The following HEATR4 variants were observed in gnomAD, a reference collection of about 807,000 sequenced individuals.
The protein encoded by HEATR4 is HEAT repeat-containing protein 4.
HEATR4 carries 95 observed loss-of-function variants against 108.8 expected under a neutral mutation model. The ratio of observed to expected loss-of-function variants is 0.87; its 90% CI spans 0.74 to 1.04. The LOEUF (loss-of-function observed/expected upper bound fraction) is 1.04, where lower values mean the gene tolerates loss of function less well. Among genes scored for constraint, HEATR4 ranks in the 50% least tolerant of loss-of-function variants. The pLI, the probability that HEATR4 is intolerant of heterozygous loss-of-function variation, is 0.00. For synonymous variants in HEATR4, 443 were observed against 459.4 expected (o/e 0.96, Z 0.46); for missense variants, 1,152 against 1,253.8 (o/e 0.92, Z 1.23).
At chr14:73,600,079 C>T in the HEATR4 span, among the ~76,000 whole-genome samples, 1 of 152,084 alleles carries the variant, frequency 6.6e-6, no homozygotes, top group Non-Finnish European at 1.5e-5. Flanking sequence ...AGTTAGCTAT[C>T]CTCACAGATG....
chr14:73,616,920 G>T, the HEATR4 span: 1 of 572,480 alleles, frequency 1.7e-6, no homozygotes, highest in Non-Finnish European at 3.1e-6. Context: ...AATCTCCTTG[G>T]CTTCAAAAAC....
the HEATR4 span, among the ~76,000 whole-genome samples, chr14:73,597,732 T>C: frequency 6.6e-6 from 1 of 151,622 alleles, no homozygotes; most frequent in Non-Finnish European, 1.5e-5. Context: ...TAGCTGGGAC[T>C]ACAGGTACCT....
chr14:73,587,132 T>TA, the HEATR4 span, among the ~76,000 whole-genome samples: 351 of 84,398 alleles, frequency 4.2e-3, 2 homozygotes, highest in African/African-American at 0.017. Context: ...CTGCCTGGTG[T>TA]AAAAAAAAAC....
chr14:73,499,191 C>A, intron 12 of HEATR4, 51 bp from the exon 13 acceptor site: 1 of 1,517,132 alleles, frequency 6.6e-7, no homozygotes, highest in Non-Finnish European at 9.2e-7. Context: ...CAAGAATGAA[C>A]CAGAAACAGC....
intron 16 of HEATR4, among the ~76,000 whole-genome samples, chr14:73,493,948 A>G (rs937544173): frequency 1.3e-5 from 2 of 152,138 alleles, no homozygotes; most frequent in African/African-American, 4.8e-5. Flanking sequence ...TAGAAAAATT[A>G]TTTTCTACCA....
At chr14:73,592,040 C>T in the HEATR4 span, 2 of 1,461,512 alleles carry the variant, frequency 1.4e-6, no homozygotes, top group Non-Finnish European at 1.8e-6. Context: ...GCGGCCTGGC[C>T]CCGGAGCAGC....
the HEATR4 span, among the ~76,000 whole-genome samples, chr14:73,579,265 T>TAAAAAA: frequency 1.4e-5 from 1 of 70,836 alleles, no homozygotes; most frequent in Non-Finnish European, 2.6e-5. Context: ...TCAAAAAAAT[T>TAAAAAA]AAAAAAAAAA....
At chr14:73,552,262 G>A (rs1182066629) in intron 1 of HEATR4, among the ~76,000 whole-genome samples, 1 of 98,484 alleles carries the variant, frequency 1.0e-5, no homozygotes, top group Non-Finnish European at 2.1e-5. Flanking sequence ...CCTTCCACTG[G>A]TAACAACCCC....
In HEATR4 at chr14:73,500,308, A is replaced by G. The variant is rs1225393713; in HGVS notation, c.2286+242T>C. On this transcript the variant is annotated intron_variant, in intron 12 of 17. Coordinates refer to ENST00000553558, the MANE Select transcript of HEATR4 (RefSeq NM_001220484.1). ...TTTTTTTTTTTTTAGCTCATCAACTATCGTTAGTGTTAGTGTACTTTATAT... is the reference window on the plus strand; with the variant it reads ...TTTTTTTTTTTTTAGCTCATCAACTGTCGTTAGTGTTAGTGTACTTTATAT... Among the ~76,000 whole-genome samples, 5 of 148,494 alleles carry G rather than the reference A, an allele frequency of 3.4e-5. No individual in the cohort carries two copies. In the East Asian group the frequency reaches 7.8e-4, roughly 23 times the overall value.
At chr14:73,528,392 C>CAAAAAAAAAAA (rs371875141) in intron 2 of HEATR4, among the ~76,000 whole-genome samples, 3 of 88,514 alleles carry the variant, frequency 3.4e-5, no homozygotes, top group South Asian at 5.1e-4. Flanking sequence ...AACTTCATCT[C>CAAAAAAAAAAA]AAAAAAAAAA....
chr14:73,518,339 G>T (rs1288285589), intron 5 of HEATR4, among the ~76,000 whole-genome samples: 22 of 151,450 alleles, frequency 1.5e-4, no homozygotes, highest in Admixed American at 1.4e-3. Flanking sequence ...GGAAGATGGA[G>T]GTTGCAGTGA....
At chr14:73,573,261 T>C in the HEATR4 span, 2 of 1,386,864 alleles carry the variant, frequency 1.4e-6, no homozygotes. Context: ...AGGTTTTCAT[T>C]TCTCGTGGGT....
At chr14:73,529,225 C>T (rs2140304306) in intron 2 of HEATR4, 1 of 152,122 alleles carries the variant, frequency 6.6e-6, no homozygotes, top group Non-Finnish European at 1.5e-5. Flanking sequence ...CGCAGTGGTA[C>T]ATGTCTGTAA....
At chr14:73,486,840 G>A (rs918153940) in intron 17 of HEATR4, among the ~76,000 whole-genome samples, 25 of 152,198 alleles carry the variant, frequency 1.6e-4, no homozygotes, top group Admixed American at 1.6e-3. Context: ...ATTTTGATGG[G>A]AGAGATAATT....
the HEATR4 span, among the ~76,000 whole-genome samples, chr14:73,585,917 G>A: frequency 6.9e-6 from 1 of 143,988 alleles, no homozygotes; most frequent in Non-Finnish European, 1.5e-5. Flanking sequence ...AGGCAGGAAG[G>A]AGAACTGCTT....
intron 1 of HEATR4, among the ~76,000 whole-genome samples, chr14:73,553,283 G>A (rs1889349620): frequency 8.7e-6 from 1 of 114,426 alleles, no homozygotes; most frequent in Admixed American, 9.8e-5. Context: ...GAGGTGGGCG[G>A]ATTACCTGGG....
At chr14:73,628,489 C>A in the HEATR4 span, among the ~76,000 whole-genome samples, 18 of 152,168 alleles carry the variant, frequency 1.2e-4, no homozygotes, top group African/African-American at 3.9e-4. Context: ...TGTGGTGGCT[C>A]ACACCTGTAA....
At chr14:73,538,380 G>A (rs1310236854) in intron 1 of HEATR4, among the ~76,000 whole-genome samples, 1 of 114,102 alleles carries the variant, frequency 8.8e-6, no homozygotes, top group African/African-American at 2.8e-5. Flanking sequence ...TTGAGAAGCC[G>A]AGGCGGGCGG....
chr14:73,581,132 C>CTTTTTTTTT, the HEATR4 span: 10 of 144,310 alleles, frequency 6.9e-5, no homozygotes, highest in African/African-American at 7.6e-5. Context: ...TCACCTCACA[C>CTTTTTTTTT]TTTTTTTTTT....
Sources: gnomAD v4.1 joint callset for allele counts (sites outside exome capture counted in the v4.1 genomes callset) on GRCh38, gnomAD v4.1.1 for gene constraint, MANE v1.5 for transcripts, NCBI Gene and HGNC (gene_info 2026-07-23, HGNC 2026-07-21) for gene names.